The following SPATA7 variants were observed in gnomAD, a reference collection of about 807,000 sequenced individuals.
SPATA7 encodes spermatogenesis-associated protein 7.
In SPATA7, 43 loss-of-function variants were observed where a neutral mutation model predicts 51.8. The ratio of observed to expected loss-of-function variants is 0.83; its 90% CI spans 0.65 to 1.07. SPATA7 has a LOEUF of 1.07. Among genes scored for constraint, SPATA7 ranks in the 50% least tolerant of loss-of-function variants. The pLI is 0.00. For missense variants in SPATA7, 683 were observed against 701.3 expected (o/e 0.97, Z 0.30); for synonymous variants, 230 against 252.8 (o/e 0.91, Z 0.86).
chr14:88,466,255 A>G (rs1205797443), intron 4 of SPATA7: 1 of 152,160 alleles, frequency 6.6e-6, no homozygotes, highest in African/African-American at 2.4e-5. Context: ...TACAAAATGT[A>G]ATTTTTTAAT....
At position 88,400,418 on chromosome 14, in the gene SPATA7, G is replaced by T. The variant is rs139012575; in HGVS notation, c.238+4215G>T. ...TGTATACCTCAAGGAACTAGAAAAA[G>T]AAGAATAAACTAAGCCCACCTCGGT... On this transcript the variant is annotated intron_variant, in intron 4 of 11. Transcript: ENST00000393545. 1.2e-3 allele frequency among the ~76,000 whole-genome samples: 189 copies of T among 152,210 alleles called. 1 individual carries two copies. Among genetic ancestry groups the T allele is most frequent in the African/African-American group, 4.4e-3 (184 of 41,520 alleles).
At chr14:88,412,423 G>A (rs1288414193) in intron 4 of SPATA7, among the ~76,000 whole-genome samples, 1 of 152,082 alleles carries the variant, frequency 6.6e-6, no homozygotes, top group African/African-American at 2.4e-5. Flanking sequence ...GGAGTCCGAT[G>A]TTTGAGGGCA....
chr14:88,451,761 G>A (rs917525970), intron 3 of SPATA7, among the ~76,000 whole-genome samples: 8 of 152,188 alleles, frequency 5.3e-5, no homozygotes, highest in African/African-American at 1.9e-4. Flanking sequence ...CTGACCTCAA[G>A]TGATCCACCT....
intron 4 of SPATA7, among the ~76,000 whole-genome samples, chr14:88,412,222 CT>C (rs58818266): frequency 0.01 from 1,402 of 134,934 alleles, 9 homozygotes; most frequent in African/African-American, 0.029. Flanking sequence ...TTTCTTCTTG[CT>C]TTTTTTTTTT....
At chr14:88,388,373 A>G (rs1213836582) in intron 1 of SPATA7, among the ~76,000 whole-genome samples, 1 of 152,176 alleles carries the variant, frequency 6.6e-6, no homozygotes, top group African/African-American at 2.4e-5. Context: ...GGCTGCTCTC[A>G]TATACCAGTG....
At chr14:88,467,938 C>CT in intron 4 of SPATA7, 1 of 717,562 alleles carries the variant, frequency 1.4e-6, no homozygotes, top group Non-Finnish European at 2.3e-6. Flanking sequence ...CCTTGAGCAC[C>CT]TTTCCCAGGT....
intron 7 of SPATA7, chr14:88,427,928 C>G: frequency 2.3e-6 from 1 of 426,580 alleles, no homozygotes; most frequent in South Asian, 3.7e-5. Flanking sequence ...TAACATCTTT[C>G]CTAGATGATT....
Position 88,438,109 on chromosome 14 carries a change from A to G in SPATA7, c.1487A>G (p.Tyr496Cys). 1 of 1,614,130 alleles carries G rather than the reference A, an allele frequency of 6.2e-7. No homozygotes were observed. The highest frequency in any genetic ancestry group is 8.5e-7 in the Non-Finnish European group (1 of 1,180,002). Residue 496 changes from tyrosine (Y) to cysteine (C), a missense_variant, in exon 12 of 12, where the codon TAT becomes TGT. Transcript: ENST00000393545. The part of the protein sequence containing the change: ...PSPTEFFMPI[Y>C]KSKHSEGVII... ...CCAACTGAATTTTTCATGCCTATTT[A>G]TAAATCAAAGCATTCAGAAGGGGTT...
At position 88,395,833 on chromosome 14, in the gene SPATA7, G is replaced by A. The variant is rs571770976; in HGVS notation, c.191-323G>A. Among the ~76,000 whole-genome samples, 183 of 152,174 alleles carry A rather than the reference G, an allele frequency of 1.2e-3. 1 individual carries two copies. Among genetic ancestry groups the A allele is most frequent in the Non-Finnish European group, 2.0e-3 (135 of 67,970 alleles). The stretch of plus-strand genomic sequence containing the variant: ...CTTAATTATTGTAGCATTACAGTAA[G>A]TCTTGAAATCAGGTAGTGTAAGTCT... On this transcript the variant is annotated intron_variant, in intron 3 of 11. Coordinates refer to ENST00000393545, the MANE Select transcript of SPATA7 (RefSeq NM_018418.5).
At chr14:88,443,404 C>A (rs964451255), downstream of SPATA7, among the ~76,000 whole-genome samples, 5 of 152,108 alleles carry the variant, frequency 3.3e-5, no homozygotes, top group African/African-American at 1.2e-4. Context: ...TAAAGCTGTT[C>A]ATAGTAGCCT....
chr14:88,392,649 G>A (rs2075774719), intron 2 of SPATA7, among the ~76,000 whole-genome samples: 1 of 152,144 alleles, frequency 6.6e-6, no homozygotes, highest in Non-Finnish European at 1.5e-5. Context: ...GGTCAGGGTA[G>A]AGAAATCACT....
chr14:88,394,273 A>C (rs1315760430), intron 3 of SPATA7, among the ~76,000 whole-genome samples: 2 of 152,166 alleles, frequency 1.3e-5, no homozygotes, highest in African/African-American at 4.8e-5. Context: ...CCCTTGATAT[A>C]GAAAAAGTCC....
At chr14:88,457,945 G>A (rs1239824435), downstream of SPATA7, among the ~76,000 whole-genome samples, 2 of 152,066 alleles carry the variant, frequency 1.3e-5, no homozygotes, top group Non-Finnish European at 2.9e-5. Flanking sequence ...AAGGGCTGTT[G>A]AATTTTCTCA....
At chr14:88,421,108 G>T (rs533813407) in intron 5 of SPATA7, among the ~76,000 whole-genome samples, 1 of 150,902 alleles carries the variant, frequency 6.6e-6, no homozygotes, top group Non-Finnish European at 1.5e-5. Context: ...GCGAAACTCC[G>T]TCTCAAAAAA....
At chr14:88,461,288 C>T (rs2140061875) in intron 4 of SPATA7, among the ~76,000 whole-genome samples, 1 of 152,324 alleles carries the variant, frequency 6.6e-6, no homozygotes, top group Admixed American at 6.5e-5. Context: ...TTTTGTTCGG[C>T]TATGACCTGC....
chr14:88,463,595 A>C (rs2077331431), intron 4 of SPATA7, among the ~76,000 whole-genome samples: 1 of 152,194 alleles, frequency 6.6e-6, no homozygotes, highest in Non-Finnish European at 1.5e-5. Context: ...CTATGGTTTC[A>C]GTAAGCTTTG....
Position 88,468,265 on chromosome 14 carries a change from C to T in SPATA7, c.255-1582C>T, listed in dbSNP as rs1161461455. The T allele has an allele frequency of 4.4e-6, 7 of 1,595,084 alleles. No homozygotes were observed. In the African/African-American group the frequency reaches 9.5e-5, roughly 22 times the overall value. ...TCCAGCACTCTCGGGATGTCCAGCA[C>T]CTAGGTTGAGAGAAACGGTAATGAA... is the stretch of plus-strand genomic sequence containing the variant. On this transcript the variant is annotated intron_variant, in intron 4 of 4. Coordinates refer to the SPATA7 transcript ENST00000556406.
chr14:88,417,306 T>G (rs950357321), intron 5 of SPATA7, among the ~76,000 whole-genome samples: 14 of 28,720 alleles, frequency 4.9e-4, no homozygotes, highest in East Asian at 3.7e-3. Context: ...TCTGTGGGGT[T>G]TTTTTTTTTT....
intron 4 of SPATA7, chr14:88,467,065 C>T (rs2077375554): frequency 6.6e-6 from 1 of 152,148 alleles, no homozygotes; most frequent in African/African-American, 2.4e-5. Flanking sequence ...GTCCCCTGCT[C>T]GCCATCCCAG....
Sources: allele counts gnomAD v4.1 joint callset (sites outside exome capture counted in the v4.1 genomes callset), GRCh38; gene constraint gnomAD v4.1.1; transcripts MANE v1.5; gene names NCBI Gene and HGNC (gene_info 2026-07-23, HGNC 2026-07-21).